The following UBAC2 variants were observed in gnomAD, a reference collection of about 807,000 sequenced individuals.
UBAC2 encodes the protein ubiquitin-associated domain-containing protein 2.
A neutral mutation model predicts 44.0 loss-of-function variants in UBAC2; 26 were observed. The ratio of observed to expected loss-of-function variants is 0.59; its 90% CI spans 0.43 to 0.82. The LOEUF (loss-of-function observed/expected upper bound fraction) is 0.82. Ranked by LOEUF, UBAC2 falls within the 40% of genes least tolerant of loss-of-function variation. The probability of loss-of-function intolerance (pLI) is 0.00; values close to 1 mark genes in which losing one functional copy is unlikely to be tolerated. For missense variants in UBAC2, 329 were observed against 419.4 expected (o/e 0.78, Z 1.88); for synonymous variants, 155 against 154.3 (o/e 1.00, Z -0.04).
intron 4 of UBAC2, among the ~76,000 whole-genome samples, chr13:99,298,014 TAAAAA>T (rs756055188): frequency 2.0e-5 from 3 of 152,078 alleles, no homozygotes; most frequent in Non-Finnish European, 4.4e-5. Context: ...CTGCAAAGGT[TAAAAA>T]GAACAGTCTA....
chr13:99,383,804 C>T lies in UBAC2; in HGVS notation c.928-1424C>T, dbSNP rs752395460. Among the ~76,000 whole-genome samples, 90 of 152,338 alleles carry T rather than the reference C, an allele frequency of 5.9e-4. 1 individual carries two copies. Among genetic ancestry groups the T allele is most frequent in the Admixed American group, 6.5e-4 (10 of 15,310 alleles). ...TTCTGAGCAGTGTCCACTGCGTGTC[C>T]CTGTTGGCCCTCAACTCTTCCCTAA... On this transcript the variant is annotated intron_variant, in intron 8 of 8. Transcript: ENST00000403766.
chr13:99,255,497 G>A, intron 4 of UBAC2: 1 of 1,614,086 alleles, frequency 6.2e-7, no homozygotes, highest in Non-Finnish European at 8.5e-7. Context: ...GCGTACTTCG[G>A]CTGTACAATG....
intron 8 of UBAC2, among the ~76,000 whole-genome samples, chr13:99,383,763 C>T (rs1157641231): frequency 6.6e-6 from 1 of 152,262 alleles, no homozygotes; most frequent in African/African-American, 2.4e-5. Flanking sequence ...TGGAAAAGCC[C>T]TGGCTGGACT....
At chr13:99,355,079 A>G (rs1432398923) in intron 7 of UBAC2, among the ~76,000 whole-genome samples, 1 of 152,186 alleles carries the variant, frequency 6.6e-6, no homozygotes, top group Non-Finnish European at 1.5e-5. Flanking sequence ...CTCTCCACGG[A>G]GGAAATGTAA....
intron 4 of UBAC2, among the ~76,000 whole-genome samples, chr13:99,264,967 G>GTTT (rs34026571): frequency 2.2e-5 from 3 of 135,194 alleles, no homozygotes; most frequent in African/African-American, 5.5e-5. Flanking sequence ...TGCCATCGCT[G>GTTT]TTTTTTTTTT....
At chr13:99,201,001 G>C in intron 1 of UBAC2, 62 bp downstream of exon 1, 2 of 1,293,336 alleles carry the variant, frequency 1.5e-6, no homozygotes, top group Non-Finnish European at 2.0e-6. Flanking sequence ...ACCTCTTTGA[G>C]GAGGCTGGGG....
chr13:99,348,636 G>A (rs899420285), intron 7 of UBAC2, among the ~76,000 whole-genome samples: 3 of 152,242 alleles, frequency 2.0e-5, no homozygotes, highest in Non-Finnish European at 4.4e-5. Flanking sequence ...TGGTGGATCA[G>A]TGAGGCCTTT....
chr13:99,315,764 A>C (rs1052570520), intron 5 of UBAC2, among the ~76,000 whole-genome samples: 1 of 152,072 alleles, frequency 6.6e-6, no homozygotes, highest in Non-Finnish European at 1.5e-5. Context: ...TTATATCTCT[A>C]TAGCTACCAC....
chr13:99,345,307 A>G (rs1175375380), intron 7 of UBAC2, among the ~76,000 whole-genome samples: 1 of 150,994 alleles, frequency 6.6e-6, no homozygotes, highest in Non-Finnish European at 1.5e-5. Context: ...ATTCAGTAAC[A>G]AAGATAGGAC....
chr13:99,299,462 G>GCA (rs10622782), intron 4 of UBAC2, among the ~76,000 whole-genome samples: 14,201 of 150,812 alleles, frequency 0.094, 765 homozygotes, highest in Middle Eastern at 0.14. Context: ...ACACACACAC[G>GCA]CACACACACA....
intron 1 of UBAC2, among the ~76,000 whole-genome samples, chr13:99,216,400 C>T (rs767789433): frequency 1.3e-5 from 2 of 152,014 alleles, no homozygotes; most frequent in African/African-American, 2.4e-5. Flanking sequence ...CCACCGTGCC[C>T]GGCCCAGTGT....
intron 1 of UBAC2, among the ~76,000 whole-genome samples, chr13:99,228,955 G>A (rs1031171337): frequency 1.3e-5 from 2 of 152,164 alleles, no homozygotes; most frequent in African/African-American, 4.8e-5. Context: ...TGGTAAATTC[G>A]CCCCCAGGGA....
intron 1 of UBAC2, among the ~76,000 whole-genome samples, chr13:99,219,832 A>G (rs1489471900): frequency 6.6e-6 from 1 of 152,180 alleles, no homozygotes; most frequent in Admixed American, 6.5e-5. Flanking sequence ...ACTTTATATG[A>G]CTGGCTTTTT....
rs537600974 is a variant in UBAC2, at chr13:99,301,377, A to G, written c.390-12720A>G. On this transcript the variant is annotated intron_variant, in intron 4 of 8. Coordinates refer to ENST00000403766, the MANE Select transcript of UBAC2 (RefSeq NM_001144072.2). The stretch of plus-strand genomic sequence containing the variant: ...TTTTTATTGGTAAACAAAGGAGACA[A>G]TCCCAGTTTTGCCTCTGTAATGCAG... Among the ~76,000 whole-genome samples the G allele has an allele frequency of 3.3e-5, 5 of 152,338 alleles. No individual in the cohort carries two copies. In the South Asian group the frequency reaches 1.0e-3, roughly 32 times the overall value.
intron 6 of UBAC2, among the ~76,000 whole-genome samples, chr13:99,334,904 CA>C (rs140099208): frequency 6.6e-6 from 1 of 151,800 alleles, no homozygotes; most frequent in African/African-American, 2.4e-5. Flanking sequence ...TACAAAGACA[CA>C]AAAAAAGCCT....
At chr13:99,287,378 AT>A (rs944559325) in intron 4 of UBAC2, among the ~76,000 whole-genome samples, 8 of 152,060 alleles carry the variant, frequency 5.3e-5, no homozygotes, top group Admixed American at 5.2e-4. Flanking sequence ...TCACATGTGT[AT>A]CAGGCCTGTG....
Position 99,384,648 on chromosome 13 carries a change from C to G in UBAC2, c.928-580C>G, listed in dbSNP as rs566960753. On this transcript the variant is annotated intron_variant, in intron 8 of 8. Transcript: ENST00000403766. ...GGCACAGCTGTCAAAGTAGTCTGAG[C>G]ACCCAAAGGCAGGCAGTTCTGTGGC... 1.2e-4 allele frequency among the ~76,000 whole-genome samples: 18 copies of G among 152,372 alleles called. No individual in the cohort carries two copies. In the East Asian group the frequency reaches 3.5e-3, roughly 29 times the overall value.
chr13:99,377,174 T>G (rs1042240143), intron 8 of UBAC2: 1 of 148,760 alleles, frequency 6.7e-6, no homozygotes, highest in Non-Finnish European at 1.5e-5. Context: ...AGGCTCTGTG[T>G]TGGGGGGAAG....
At chr13:99,341,177 C>CATG (rs1437067242) in intron 7 of UBAC2, among the ~76,000 whole-genome samples, 1 of 152,218 alleles carries the variant, frequency 6.6e-6, no homozygotes, top group Non-Finnish European at 1.5e-5. Context: ...GCTAAAACCT[C>CATG]AGGCCTGATC....
Sources: allele counts gnomAD v4.1 joint callset (sites outside exome capture counted in the v4.1 genomes callset), GRCh38; gene constraint gnomAD v4.1.1; transcripts MANE v1.5; gene names NCBI Gene and HGNC (gene_info 2026-07-23, HGNC 2026-07-21).